ARHGEF4: variants seen among roughly 807,000 people sequenced by gnomAD.
ARHGEF4 encodes the protein APC-stimulated guanine nucleotide exchange factor 1.
ARHGEF4 carries 119 observed loss-of-function variants against 162.0 expected under a neutral mutation model. The ratio of observed to expected loss-of-function variants is 0.73; its 90% CI spans 0.63 to 0.86. The LOEUF is 0.86. ARHGEF4 is among the 40% of genes least tolerant of loss of function. The pLI is 0.00. For missense variants in ARHGEF4, 2,488 were observed against 2,456.0 expected (o/e 1.01, Z -0.28); for synonymous variants, 1,014 against 979.9 (o/e 1.03, Z -0.65).
intron 1 of ARHGEF4, among the ~76,000 whole-genome samples, chr2:130,897,406 G>A (rs959522645): frequency 1.3e-5 from 2 of 152,186 alleles, no homozygotes; most frequent in Non-Finnish European, 1.5e-5. Flanking sequence ...GAGAGGATTC[G>A]TAGGTGCTTC....
intron 2 of ARHGEF4, among the ~76,000 whole-genome samples, chr2:130,920,988 C>T (rs1477212126): frequency 1.3e-5 from 2 of 152,034 alleles, no homozygotes; most frequent in Admixed American, 6.6e-5. Context: ...AACACCACAT[C>T]CCCCACCCTG....
rs3739129 is a variant in ARHGEF4, at chr2:130,915,743, C to T, written c.1797C>T (p.Pro599=). The change falls in exon 2 of 14, where the codon CCC becomes CCT. Residue 599 remains proline, a synonymous_variant. Coordinates refer to ENST00000409359, the MANE Select transcript of ARHGEF4 (RefSeq NM_001367493.1). ...FKAATVSHCG[P]GAEEGEQGPG... is the part of the protein sequence containing the mutation. ...CAGCCACGGTGTCTCACTGCGGCCCCGGGGCTGAGGAGGGTGAACAGGGGC... is the reference window on the plus strand; with the variant it reads ...CAGCCACGGTGTCTCACTGCGGCCCTGGGGCTGAGGAGGGTGAACAGGGGC... The T allele has an allele frequency of 0.65, 1,010,411 of 1,544,948 alleles. 334,345 individuals carry two copies. The highest frequency in any genetic ancestry group is 0.87 in the East Asian group (35,402 of 40,836).
rs188993391 is a variant in ARHGEF4 at position 131,009,481 on chromosome 2, C to T, written c.3986-18464C>T. Among the ~76,000 whole-genome samples the T allele has an allele frequency of 4.5e-3, 684 of 152,254 alleles. 4 individuals are homozygous for T. The highest frequency in any genetic ancestry group is 7.1e-3 in the Non-Finnish European group (483 of 68,034). On this transcript the variant is annotated intron_variant, in intron 4 of 13. Transcript: ENST00000409359. ...ATTGTTTCTGCTTCATTCACTCTCTCCTCATGTATGTTAGACCATAGTATT... is the reference window on the plus strand; with the variant it reads ...ATTGTTTCTGCTTCATTCACTCTCTTCTCATGTATGTTAGACCATAGTATT...
In ARHGEF4 at chr2:130,915,947, C is replaced by A. The variant is rs977959968; in HGVS notation, c.2001C>A (p.Pro667=). 3 of 1,550,606 alleles carry A rather than the reference C, an allele frequency of 1.9e-6. No individual in the cohort carries two copies. The Admixed American group carries it at 5.9e-5, about 30-fold the overall frequency. The change falls in exon 2 of 14, where the codon CCC becomes CCA. Residue 667 remains proline (P), a synonymous_variant. Transcript: ENST00000409359. The part of the protein sequence containing the change: ...RDFPKERPES[P]LSTGETPCES... ...TTCCTAAGGAAAGACCAGAATCTCC[C>A]TTGAGCACTGGCGAGACCCCCTGTG...
At chr2:130,885,456 G>T (rs915126075) in intron 1 of ARHGEF4, among the ~76,000 whole-genome samples, 2 of 151,664 alleles carry the variant, frequency 1.3e-5, no homozygotes, top group Non-Finnish European at 2.9e-5. Flanking sequence ...CATCTTAAAG[G>T]TCTCATCGTA....
At chr2:131,002,955 G>C (rs1199874619) in intron 4 of ARHGEF4, among the ~76,000 whole-genome samples, 2 of 152,140 alleles carry the variant, frequency 1.3e-5, no homozygotes. Context: ...TGAATAAACA[G>C]GGATGGCTTT....
intron 4 of ARHGEF4, among the ~76,000 whole-genome samples, chr2:131,013,526 TC>T (rs1452473846): frequency 1.3e-5 from 2 of 152,230 alleles, no homozygotes; most frequent in African/African-American, 4.8e-5. Flanking sequence ...CTGATCCATT[TC>T]CCTTAAGTGG....
chr2:130,916,245 C>A lies in ARHGEF4; in HGVS notation c.2299C>A (p.Pro767Thr). 6.5e-7 allele frequency: 1 copy of A among 1,526,756 alleles called. No individual in the cohort carries two copies. The highest frequency in any genetic ancestry group is 8.8e-7 in the Non-Finnish European group (1 of 1,138,864). 94.6% of individuals were successfully genotyped at this position (1,526,756 alleles called of 1,614,324 possible). A position where few individuals can be genotyped will look rare whatever the true frequency, so the allele number is the denominator to read the frequency against. Residue 767 changes from proline to threonine, a missense_variant, in exon 2 of 14, where the codon CCC becomes ACC. Pro to Thr is a conservative substitution (Grantham distance 38, BLOSUM62 -1). Around this residue, in one of 6 missense-constraint regions of ARHGEF4, gnomAD observed 1,642 missense variants for 1,481.5 expected, o/e 1.11. Coordinates refer to ENST00000409359, the MANE Select transcript of ARHGEF4 (RefSeq NM_001367493.1). The part of the protein sequence containing the change: ...GGAAAARGQR[P>T]RVPALEPPQP... ...TGCTGCAGCAGCCCGGGGCCAGCGC[C>A]CCCGCGTCCCCGCCTTGGAGCCGCC...
chr2:130,962,559 C>T lies in ARHGEF4; in HGVS notation c.3985+15924C>T, dbSNP rs117623502. Among the ~76,000 whole-genome samples, 256 of 152,230 alleles carry T rather than the reference C, an allele frequency of 1.7e-3. 10 individuals are homozygous for T. The East Asian group carries it at 0.042, about 25-fold the overall frequency. On this transcript the variant is annotated intron_variant, in intron 4 of 13. Coordinates refer to ENST00000409359, the MANE Select transcript of ARHGEF4 (RefSeq NM_001367493.1). ...AGAGGAGAAAGCGTCTATGAAGCTG[C>T]AGGGCCTCTTATGGTACAGAGCTTG... is the stretch of plus-strand genomic sequence containing the variant.
At chr2:130,847,714 T>C (rs1269057639) in intron 1 of ARHGEF4, among the ~76,000 whole-genome samples, 6 of 152,186 alleles carry the variant, frequency 3.9e-5, no homozygotes, top group Admixed American at 3.9e-4. Context: ...CCTTTCTCTC[T>C]GTGAGTTCTA....
chr2:131,031,638 C>T (rs2105376776), intron 5 of ARHGEF4, among the ~76,000 whole-genome samples: 1 of 152,366 alleles, frequency 6.6e-6, no homozygotes, highest in Admixed American at 6.5e-5. Context: ...CTGTGCCCTG[C>T]CCCTCGTGAG....
chr2:131,034,814 G>C (rs976106362), intron 5 of ARHGEF4: 1 of 191,578 alleles, frequency 5.2e-6, no homozygotes, highest in Admixed American at 6.5e-5. Context: ...TTCCAAGGAG[G>C]TGCCAAGGGC....
intron 2 of ARHGEF4, among the ~76,000 whole-genome samples, chr2:130,918,546 T>C (rs112364875): frequency 0.015 from 2,260 of 152,270 alleles, 53 homozygotes; most frequent in African/African-American, 0.051. Flanking sequence ...CGCGGTGGCC[T>C]CTCGGGCGCT....
chr2:131,022,108 G>T (rs1558863376), intron 4 of ARHGEF4, among the ~76,000 whole-genome samples: 1 of 152,120 alleles, frequency 6.6e-6, no homozygotes, highest in Non-Finnish European at 1.5e-5. Context: ...TTAGTCTGTA[G>T]TCTTCTTGTA....
intron 1 of ARHGEF4, among the ~76,000 whole-genome samples, chr2:130,884,202 C>T (rs1679366926): frequency 6.6e-6 from 1 of 151,618 alleles, no homozygotes; most frequent in African/African-American, 2.4e-5. Context: ...TCTGAATAGG[C>T]AGGAGAGCAT....
chr2:130,941,047 T>C (rs1174106727), intron 3 of ARHGEF4, among the ~76,000 whole-genome samples: 2 of 151,932 alleles, frequency 1.3e-5, no homozygotes, highest in African/African-American at 4.8e-5. Context: ...AATGGCATGA[T>C]AAATTTGCTG....
In ARHGEF4 at chr2:131,046,279, C is replaced by T. The variant is rs1027555124; in HGVS notation, c.*90C>T. On this transcript the variant is annotated 3_prime_UTR_variant, in exon 14 of 14. Coordinates refer to ENST00000409359, the MANE Select transcript of ARHGEF4 (RefSeq NM_001367493.1). ...GAGGCCCACTCGGCCTGGCCTTCCT[C>T]TGCCTGCAAGTGAGCAGGGATGGGC... 1.5e-6 allele frequency: 2 copies of T among 1,372,706 alleles called. No individual in the cohort carries two copies. The highest frequency in any genetic ancestry group is 2.0e-6 in the Non-Finnish European group (2 of 1,005,852). 85.0% of individuals were successfully genotyped at this position (1,372,706 alleles called of 1,614,324 possible).
intron 2 of ARHGEF4, among the ~76,000 whole-genome samples, chr2:130,920,695 C>G (rs575173991): frequency 1.3e-5 from 2 of 152,180 alleles, no homozygotes; most frequent in East Asian, 1.9e-4. Flanking sequence ...ATTCCCACTT[C>G]GTATTAAGGA....
intron 4 of ARHGEF4, among the ~76,000 whole-genome samples, chr2:130,969,231 A>G (rs1685201606): frequency 6.6e-6 from 1 of 152,200 alleles, no homozygotes; most frequent in Admixed American, 6.5e-5. Flanking sequence ...GTGGAAAAAC[A>G]GAATGGTTGT....
Sources: allele counts gnomAD v4.1 joint callset (sites outside exome capture counted in the v4.1 genomes callset), GRCh38; gene constraint gnomAD v4.1.1; regional missense constraint gnomAD v4.1.1; transcripts MANE v1.5; gene names NCBI Gene and HGNC (gene_info 2026-07-23, HGNC 2026-07-21).